Variants in OVCH1 observed in about 807,000 individuals in gnomAD.
The protein encoded by OVCH1 is ovochymase 1.
OVCH1 carries 139 observed loss-of-function variants against 138.4 expected under a neutral mutation model. That is an observed-to-expected ratio of 1.00 (90% confidence interval 0.87 to 1.16). The LOEUF (loss-of-function observed/expected upper bound fraction) is 1.16. Among genes scored for constraint, OVCH1 ranks in the 50% most tolerant of loss-of-function variants. The pLI, the probability that OVCH1 is intolerant of heterozygous loss-of-function variation, is 0.00. For missense variants in OVCH1, 1,367 were observed against 1,357.9 expected (o/e 1.01, Z -0.11); for synonymous variants, 453 against 467.8 (o/e 0.97, Z 0.41).
chr12:29,406,463 AC>A, the OVCH1 span, among the ~76,000 whole-genome samples: 2 of 151,418 alleles, frequency 1.3e-5, no homozygotes, highest in African/African-American at 2.4e-5. Flanking sequence ...CTCCCCTCCA[AC>A]CCCACAACAG....
chr12:29,493,407 T>C (rs1165344846), intron 4 of OVCH1, among the ~76,000 whole-genome samples: 1 of 152,198 alleles, frequency 6.6e-6, no homozygotes, highest in Non-Finnish European at 1.5e-5. Context: ...TTGGAGTTAC[T>C]AAGCTTTTTA....
intron 21 of OVCH1, among the ~76,000 whole-genome samples, chr12:29,453,300 C>T (rs1941850844): frequency 6.6e-6 from 1 of 152,152 alleles, no homozygotes; most frequent in South Asian, 2.1e-4. Flanking sequence ...CCTGGGTCCA[C>T]TCCTTATTCC....
At chr12:29,488,928 C>T (rs760768218) in intron 6 of OVCH1, among the ~76,000 whole-genome samples, 4 of 152,280 alleles carry the variant, frequency 2.6e-5, no homozygotes, top group Admixed American at 2.0e-4. Context: ...CTCCTGTCAT[C>T]GCCTCGAAGA....
the OVCH1 span, among the ~76,000 whole-genome samples, chr12:29,407,473 T>G: frequency 2.0e-5 from 3 of 151,020 alleles, no homozygotes; most frequent in Admixed American, 6.7e-5. Context: ...CATCTTGAAT[T>G]AATTTTTGTA....
In OVCH1 at chr12:29,434,048, G is replaced by T. The variant is rs78554923; in HGVS notation, c.3265-235C>A. ...CTATGATATCCGATTTCTATAATTT[G>T]CAATAGTTACCCGTTTTCATAATGC... On this transcript the variant is annotated intron_variant, in intron 26 of 27. Transcript: ENST00000318184. 8.1e-3 allele frequency among the ~76,000 whole-genome samples: 1,236 copies of T among 152,184 alleles called. 19 individuals carry two copies. The highest frequency in any genetic ancestry group is 0.028 in the African/African-American group (1,143 of 41,518).
chr12:29,443,531 TA>T (rs1941540731), intron 24 of OVCH1, 31 bp from the exon 25 acceptor site: 1 of 1,562,244 alleles, frequency 6.4e-7, no homozygotes, highest in Non-Finnish European at 8.7e-7. Flanking sequence ...AGTCAGAAAT[TA>T]TTTCTAAACA....
chr12:29,414,212 G>T (rs1221571448), intron 3 of OVCH1, among the ~76,000 whole-genome samples: 1 of 151,872 alleles, frequency 6.6e-6, no homozygotes, highest in Non-Finnish European at 1.5e-5. Flanking sequence ...TTTTAGTATA[G>T]ATGGTGTTTC....
chr12:29,488,865 T>C (rs918789287), intron 6 of OVCH1, among the ~76,000 whole-genome samples: 1 of 152,120 alleles, frequency 6.6e-6, no homozygotes, highest in Admixed American at 6.5e-5. Flanking sequence ...GCCTATCTGT[T>C]TTCCAATTTA....
chr12:29,463,448 C>T (rs559441120), intron 18 of OVCH1, among the ~76,000 whole-genome samples: 16 of 152,066 alleles, frequency 1.1e-4, no homozygotes, highest in East Asian at 1.9e-4. Flanking sequence ...AGAAAGGCCA[C>T]GGTATCTGAA....
At chr12:29,424,134 G>A (rs891394166), downstream of OVCH1, among the ~76,000 whole-genome samples, 1 of 152,206 alleles carries the variant, frequency 6.6e-6, no homozygotes, top group African/African-American at 2.4e-5. Flanking sequence ...CAGCAAGCCA[G>A]TGATAAGCAT....
At chr12:29,418,953 C>A (rs1941066908) in intron 3 of OVCH1, among the ~76,000 whole-genome samples, 1 of 152,174 alleles carries the variant, frequency 6.6e-6, no homozygotes, top group Non-Finnish European at 1.5e-5. Flanking sequence ...AAACTCTGGG[C>A]TCACGTGATT....
intron 8 of OVCH1, among the ~76,000 whole-genome samples, chr12:29,485,314 C>CT (rs1419704643): frequency 2.2e-4 from 19 of 86,024 alleles, no homozygotes; most frequent in Admixed American, 1.6e-3. Context: ...AAGACCCAGT[C>CT]TTTAAAAAAA....
downstream of OVCH1, among the ~76,000 whole-genome samples, chr12:29,407,615 G>T (rs1045112720): frequency 2.6e-5 from 4 of 151,870 alleles, no homozygotes; most frequent in African/African-American, 9.7e-5. Flanking sequence ...TCAGATAGTT[G>T]TAGATATGCA....
At chr12:29,496,481 G>T in intron 2 of OVCH1, 75 bp downstream of exon 2, 4 of 1,349,970 alleles carry the variant, frequency 3.0e-6, no homozygotes, top group Middle Eastern at 4.3e-4. Flanking sequence ...ATATCAACGT[G>T]CATTCTTGCT....
chr12:29,461,346 C>T (rs1375536785), intron 19 of OVCH1, among the ~76,000 whole-genome samples: 1 of 152,186 alleles, frequency 6.6e-6, no homozygotes, highest in Non-Finnish European at 1.5e-5. Context: ...TATTCATATT[C>T]TGTCTTTTTC....
chr12:29,424,800 T>G (rs1241813023), downstream of OVCH1, among the ~76,000 whole-genome samples: 1 of 152,218 alleles, frequency 6.6e-6, no homozygotes, highest in Non-Finnish European at 1.5e-5. Flanking sequence ...CTGCAAAATG[T>G]AGATAAAAAC....
At chr12:29,476,289 T>A (rs753054882) in exon 13 of OVCH1, 1 of 1,611,986 alleles carries the variant, frequency 6.2e-7, no homozygotes, top group Non-Finnish European at 8.5e-7. Context: ...AGCAAAGTCC[T>A]CAAATGTCAA....
chr12:29,495,607 G>T, intron 3 of OVCH1, 150 bp from the exon 4 acceptor site: 18 of 680,340 alleles, frequency 2.6e-5, no homozygotes, highest in East Asian at 1.6e-4. Flanking sequence ...TATTACCAAT[G>T]GTCATATTTT....
At chr12:29,431,208 A>G (rs1304574087) in intron 27 of OVCH1, among the ~76,000 whole-genome samples, 1 of 152,176 alleles carries the variant, frequency 6.6e-6, no homozygotes, top group Non-Finnish European at 1.5e-5. Context: ...AGTCCATGGC[A>G]GGAAGATTGC....
Sources: gnomAD v4.1 joint callset for allele counts (sites outside exome capture counted in the v4.1 genomes callset) on GRCh38, gnomAD v4.1.1 for gene constraint, MANE v1.5 for transcripts, NCBI Gene and HGNC (gene_info 2026-07-23, HGNC 2026-07-21) for gene names.